The following ITFG1 variants were observed in gnomAD, a reference collection of about 807,000 sequenced individuals.
The protein encoded by ITFG1 is T-cell immunomodulatory protein.
Under a neutral mutation model 81.8 loss-of-function variants are expected in ITFG1, and 34 were observed. That is an observed-to-expected ratio of 0.42 (90% CI 0.32 to 0.55). The LOEUF is 0.55. Among genes scored for constraint, ITFG1 ranks in the 20% least tolerant of loss-of-function variants. The pLI, the probability that ITFG1 is intolerant of heterozygous loss-of-function variation, is 0.17. For synonymous variants in ITFG1, 285 were observed against 270.6 expected, an observed-to-expected ratio of 1.05 and a Z score of -0.52; for missense variants, 672 against 755.4, an observed-to-expected ratio of 0.89 and a Z score of 1.29.
At chr16:47,302,522 G>A (rs868429364) in intron 10 of ITFG1, among the ~76,000 whole-genome samples, 4 of 152,114 alleles carry the variant, frequency 2.6e-5, no homozygotes, top group East Asian at 1.9e-4. Context: ...CACTTTGGCC[G>A]TACTTGAGGA....
rs574360246 is a variant in ITFG1, at chr16:47,417,826, T to C, written c.655+10978A>G. Among the ~76,000 whole-genome samples, 15 of 152,304 alleles carry C rather than the reference T, an allele frequency of 9.8e-5. No individual in the cohort carries two copies. The East Asian group carries it at 2.7e-3, about 27-fold the overall frequency. On this transcript the variant is annotated intron_variant, in intron 6 of 17. Transcript: ENST00000320640. The stretch of plus-strand genomic sequence containing the variant: ...CATATATTGCCTATTTTGAGTACTA[T>C]TGCAATAATCATGGGGGTACAGATA...
intron 14 of ITFG1, among the ~76,000 whole-genome samples, chr16:47,186,695 A>G (rs572743195): frequency 7.9e-5 from 12 of 152,306 alleles, no homozygotes; most frequent in East Asian, 7.7e-4. Context: ...CTTTGAAAAC[A>G]GGCACAAGAC....
intron 8 of ITFG1, among the ~76,000 whole-genome samples, chr16:47,323,375 T>G (rs1042888160): frequency 6.6e-6 from 1 of 152,156 alleles, no homozygotes; most frequent in Non-Finnish European, 1.5e-5. Context: ...AGGCCTGAGC[T>G]ACCACATTAG....
At chr16:47,253,692 T>G (rs1220066548) in intron 12 of ITFG1, among the ~76,000 whole-genome samples, 1 of 152,198 alleles carries the variant, frequency 6.6e-6, no homozygotes, top group Non-Finnish European at 1.5e-5. Flanking sequence ...CCCTCACATG[T>G]GCAGTTCACA....
At chr16:47,228,547 A>G (rs1965782577) in intron 13 of ITFG1, among the ~76,000 whole-genome samples, 1 of 152,180 alleles carries the variant, frequency 6.6e-6, no homozygotes, top group Non-Finnish European at 1.5e-5. Context: ...TATTCTGTAG[A>G]GACAGGATCT....
At chr16:47,285,195 A>G (rs1482691211) in intron 10 of ITFG1, among the ~76,000 whole-genome samples, 1 of 152,060 alleles carries the variant, frequency 6.6e-6, no homozygotes, top group African/African-American at 2.4e-5. Context: ...CACTCCCATG[A>G]GAGAGTCCCA....
chr16:47,247,702 C>CT (rs1966018989), intron 12 of ITFG1, among the ~76,000 whole-genome samples: 1 of 151,980 alleles, frequency 6.6e-6, no homozygotes, highest in Non-Finnish European at 1.5e-5. Flanking sequence ...ATAAAAACCT[C>CT]TAAACTGGAG....
In ITFG1 at chr16:47,218,955, G is replaced by GAAA; in HGVS notation, c.1375-12_1375-10dup. The GAAA allele has an allele frequency of 2.1e-6, 3 of 1,425,272 alleles. No individual in the cohort carries two copies. The highest frequency in any genetic ancestry group is 1.9e-4 in the Middle Eastern group (1 of 5,340). 88.3% of individuals were successfully genotyped at this position (1,425,272 alleles called of 1,614,324 possible). On this transcript the variant is annotated splice_polypyrimidine_tract_variant and intron_variant, in intron 13 of 17. Coordinates refer to ENST00000320640, the MANE Select transcript of ITFG1 (RefSeq NM_030790.5). Reference sequence around the variant, plus strand: ...TGATTCACTCCAAAGGGCTGCAATAGAAAAAAAAAATAGTTAAGGCTTGGA... The same window carrying GAAA: ...TGATTCACTCCAAAGGGCTGCAATAGAAAAAAAAAAAAATAGTTAAGGCTTGGA...
intron 12 of ITFG1, among the ~76,000 whole-genome samples, chr16:47,258,169 C>T (rs1966161210): frequency 6.6e-6 from 1 of 152,166 alleles, no homozygotes; most frequent in African/African-American, 2.4e-5. Flanking sequence ...GGTGGTAGGA[C>T]AGGTGAACAT....
intron 8 of ITFG1, among the ~76,000 whole-genome samples, chr16:47,331,371 G>A (rs527705330): frequency 6.6e-6 from 1 of 151,990 alleles, no homozygotes; most frequent in African/African-American, 2.4e-5. Flanking sequence ...CTTCCTATGG[G>A]GTACTGTGTT....
chr16:47,437,893 A>C (rs1323910350), intron 5 of ITFG1, among the ~76,000 whole-genome samples: 1 of 152,252 alleles, frequency 6.6e-6, no homozygotes, highest in African/African-American at 2.4e-5. Context: ...GCATCGCCTC[A>C]CCTGGGAAGC....
chr16:47,352,770 G>T (rs1232781679), intron 8 of ITFG1, among the ~76,000 whole-genome samples: 1 of 152,138 alleles, frequency 6.6e-6, no homozygotes, highest in Non-Finnish European at 1.5e-5. Context: ...TATGTTTATT[G>T]CGACACTATT....
chr16:47,369,503 C>T (rs1369682914), intron 7 of ITFG1, among the ~76,000 whole-genome samples: 8 of 152,168 alleles, frequency 5.3e-5, no homozygotes, highest in Admixed American at 5.2e-4. Context: ...AATGGCAGTC[C>T]TGTGCTTATG....
chr16:47,307,119 A>AAAAAAAAAAAAAAAAAAAAC (rs1967180297), intron 10 of ITFG1, among the ~76,000 whole-genome samples: 1 of 148,598 alleles, frequency 6.7e-6, no homozygotes, highest in African/African-American at 2.5e-5. Flanking sequence ...AAAAAAAAAA[A>AAAAAAAAAAAAAAAAAAAAC]AAAACGGAGA....
intron 6 of ITFG1, among the ~76,000 whole-genome samples, chr16:47,384,370 T>C (rs866508748): frequency 3.9e-5 from 6 of 152,330 alleles, no homozygotes; most frequent in African/African-American, 1.2e-4. Flanking sequence ...CCTCTAACAG[T>C]AGGCACTTAC....
At chr16:47,246,551 G>A (rs185427495) in intron 12 of ITFG1, among the ~76,000 whole-genome samples, 1 of 152,258 alleles carries the variant, frequency 6.6e-6, no homozygotes, top group Non-Finnish European at 1.5e-5. Flanking sequence ...AGGTTTATCT[G>A]TGTCCACTCA....
intron 14 of ITFG1, among the ~76,000 whole-genome samples, chr16:47,203,476 T>C (rs1277114687): frequency 1.3e-5 from 2 of 152,134 alleles, no homozygotes; most frequent in South Asian, 2.1e-4. Context: ...GTAGAATCAG[T>C]GGGAGCCCTG....
intron 16 of ITFG1, 167 bp downstream of exon 16, chr16:47,161,583 C>A: frequency 2.3e-6 from 1 of 437,466 alleles, no homozygotes; most frequent in Non-Finnish European, 4.2e-6. Context: ...ATGTCTGGGA[C>A]CTTTTATGTA....
At chr16:47,403,618 T>C (rs1968690054) in intron 6 of ITFG1, among the ~76,000 whole-genome samples, 1 of 152,216 alleles carries the variant, frequency 6.6e-6, no homozygotes, top group African/African-American at 2.4e-5. Flanking sequence ...GTCTTAGATG[T>C]GCTAATGGCA....
Sources: gnomAD v4.1 joint callset for allele counts (sites outside exome capture counted in the v4.1 genomes callset) on GRCh38, gnomAD v4.1.1 for gene constraint, MANE v1.5 for transcripts, NCBI Gene and HGNC (gene_info 2026-07-23, HGNC 2026-07-21) for gene names.